Variants in GALNT14 observed in about 807,000 individuals in gnomAD.
GALNT14 encodes polypeptide N-acetylgalactosaminyltransferase 14, also known as UDP-GalNAc:polypeptide N-acetylgalactosaminyltransferase 14.
GALNT14 carries 60 observed loss-of-function variants against 77.5 expected under a neutral mutation model. That is an observed-to-expected ratio of 0.77 (90% CI 0.63 to 0.96). The LOEUF is 0.96. Among genes scored for constraint, GALNT14 ranks in the 40% least tolerant of loss-of-function variants. GALNT14 has a pLI of 0.00. For synonymous variants in GALNT14, 280 were observed against 281.7 expected (o/e 0.99, Z 0.06); for missense variants, 710 against 731.0 (o/e 0.97, Z 0.33).
At position 30,932,160 on chromosome 2, in the gene GALNT14, G is replaced by C; in HGVS notation, c.966C>G (p.Ser322Arg). The change falls in exon 10 of 15, where the codon AGC becomes AGG. Residue 322 changes from serine to arginine, a missense_variant. By Grantham distance (110) the Ser-to-Arg change is moderately radical. Coordinates refer to ENST00000349752, the MANE Select transcript of GALNT14 (RefSeq NM_024572.4). The stretch of plus-strand genomic sequence containing the variant: ...CTCGGCTGCAGGGGACGATCTCTAG[G>C]CTGCCCCCGCACATCCACACTCGGA... ...ISFRVWMCGG[S>R]LEIVPCSRVG... 6 of 1,553,982 alleles carry C rather than the reference G, an allele frequency of 3.9e-6. No individual in the cohort carries two copies. The highest frequency in any genetic ancestry group is 4.3e-6 in the Non-Finnish European group (5 of 1,150,078).
chr2:31,078,829 A>T, intron 1 of GALNT14: 1 of 988,442 alleles, frequency 1.0e-6, no homozygotes, highest in South Asian at 1.4e-5. Context: ...AAGGGGCGAG[A>T]TATAGGCCTG....
At chr2:31,046,473 C>T (rs940816991) in intron 1 of GALNT14, among the ~76,000 whole-genome samples, 9 of 152,162 alleles carry the variant, frequency 5.9e-5, no homozygotes, top group Non-Finnish European at 1.2e-4. Context: ...CATGATCCAC[C>T]CGCCTCGGCA....
At chr2:30,916,931 G>A (rs534530422) in intron 13 of GALNT14, among the ~76,000 whole-genome samples, 4 of 152,060 alleles carry the variant, frequency 2.6e-5, no homozygotes, top group Admixed American at 1.3e-4. Context: ...ACAAAAATTA[G>A]CCAGGTGTGG....
chr2:31,088,217 T>C (rs1190906755), intron 1 of GALNT14, among the ~76,000 whole-genome samples: 2 of 152,068 alleles, frequency 1.3e-5, no homozygotes, highest in Non-Finnish European at 2.9e-5. Context: ...GTAAGGAACA[T>C]GATGGGGACA....
At chr2:31,104,812 C>T (rs1677472368) in intron 1 of GALNT14, among the ~76,000 whole-genome samples, 1 of 152,208 alleles carries the variant, frequency 6.6e-6, no homozygotes, top group African/African-American at 2.4e-5. Flanking sequence ...GGCACACTAG[C>T]TCAACCTGTC....
chr2:31,050,403 C>G (rs4951963), intron 1 of GALNT14, among the ~76,000 whole-genome samples: 113,378 of 151,898 alleles, frequency 0.75, 42,591 homozygotes, highest in East Asian at 1. Flanking sequence ...GCATGACCAG[C>G]AGCTTCCGGT....
At chr2:30,937,752 G>A (rs941051868) in intron 9 of GALNT14, among the ~76,000 whole-genome samples, 2 of 152,118 alleles carry the variant, frequency 1.3e-5, no homozygotes, top group African/African-American at 2.4e-5. Context: ...TTAATGACCC[G>A]AAACGCATCT....
chr2:31,104,251 G>T (rs564577511), intron 1 of GALNT14, among the ~76,000 whole-genome samples: 1 of 152,082 alleles, frequency 6.6e-6, no homozygotes, highest in African/African-American at 2.4e-5. Context: ...AAGAAAAGTT[G>T]TAAGAACAGT....
At chr2:30,909,654 A>G (rs992646384), downstream of GALNT14, among the ~76,000 whole-genome samples, 1 of 151,962 alleles carries the variant, frequency 6.6e-6, no homozygotes, top group African/African-American at 2.4e-5. Flanking sequence ...CAGTGTGGCG[A>G]TTCCTCAGGG....
chr2:30,896,136 G>T, the GALNT14 span, among the ~76,000 whole-genome samples: 1 of 152,172 alleles, frequency 6.6e-6, no homozygotes, highest in East Asian at 1.9e-4. Flanking sequence ...CATAGCATTG[G>T]CATGTAATAG....
In GALNT14 at chr2:30,944,952, A is replaced by T; in HGVS notation, c.743-10T>A. ...AGGCTCCAGTCAAACCCTACAACAC[A>T]GCACCAACCCACCTGCTTTGGTCTC... On this transcript the variant is annotated splice_polypyrimidine_tract_variant and intron_variant, in intron 7 of 14. Coordinates refer to ENST00000349752, the MANE Select transcript of GALNT14 (RefSeq NM_024572.4). 1 of 1,594,702 alleles carries T rather than the reference A, an allele frequency of 6.3e-7. No homozygotes were observed. The highest frequency in any genetic ancestry group is 8.6e-7 in the Non-Finnish European group (1 of 1,168,160).
chr2:30,912,453 G>A (rs1038060541), intron 13 of GALNT14, 111 bp from the exon 14 acceptor site: 14 of 1,199,424 alleles, frequency 1.2e-5, no homozygotes, highest in Non-Finnish European at 1.6e-5. Flanking sequence ...AAGCACCAAG[G>A]GTCCCAGTAG....
At chr2:30,909,009 T>C (rs1245292847), downstream of GALNT14, among the ~76,000 whole-genome samples, 1 of 152,082 alleles carries the variant, frequency 6.6e-6, no homozygotes, top group South Asian at 2.1e-4. Context: ...TAGCCATATG[T>C]AGAAAGCTGA....
At chr2:31,005,106 G>A (rs902300504) in intron 1 of GALNT14, among the ~76,000 whole-genome samples, 12 of 152,190 alleles carry the variant, frequency 7.9e-5, no homozygotes. Context: ...GGGAATACAA[G>A]GAAAAGGGTA....
chr2:30,908,683 T>G (rs1183398342), downstream of GALNT14, among the ~76,000 whole-genome samples: 2 of 98,124 alleles, frequency 2.0e-5, no homozygotes, highest in Non-Finnish European at 2.0e-5. Context: ...ACCAATGACT[T>G]TCTTCACAGA....
chr2:31,083,554 G>A lies in GALNT14; in HGVS notation c.129+54404C>T, dbSNP rs916228386. Among the ~76,000 whole-genome samples, 5 of 152,282 alleles carry A rather than the reference G, an allele frequency of 3.3e-5. No homozygotes were observed. The East Asian group carries it at 5.8e-4, about 18-fold the overall frequency. ...CACTGAGTTTCAGCTGAGCTCAAAG[G>A]TCCCATCCTTCACCCAGTTTTAACC... On this transcript the variant is annotated intron_variant, in intron 1 of 14. Transcript: ENST00000349752.
At chr2:31,042,137 T>C (rs1673129773) in intron 1 of GALNT14, among the ~76,000 whole-genome samples, 1 of 152,142 alleles carries the variant, frequency 6.6e-6, no homozygotes, top group Non-Finnish European at 1.5e-5. Context: ...ACTGATAAAT[T>C]AGTGGAGATC....
chr2:30,965,083 T>C (rs1213472281), intron 3 of GALNT14, among the ~76,000 whole-genome samples: 2 of 152,098 alleles, frequency 1.3e-5, no homozygotes, highest in African/African-American at 2.4e-5. Context: ...CTGGGGGTTC[T>C]TGCTCAGCTG....
At chr2:31,018,465 G>A (rs1671519578) in intron 1 of GALNT14, among the ~76,000 whole-genome samples, 1 of 152,134 alleles carries the variant, frequency 6.6e-6, no homozygotes, top group Admixed American at 6.5e-5. Context: ...GTAGGCAAAT[G>A]AGGAAAAGCC....
Sources: gnomAD v4.1 joint callset for allele counts (sites outside exome capture counted in the v4.1 genomes callset) on GRCh38, gnomAD v4.1.1 for gene constraint, MANE v1.5 for transcripts, NCBI Gene and HGNC (gene_info 2026-07-23, HGNC 2026-07-21) for gene names.